Variants in SLC24A3 observed in about 807,000 individuals in gnomAD.
SLC24A3 encodes sodium/potassium/calcium exchanger 3.
In SLC24A3, 28 loss-of-function variants were observed where a neutral mutation model predicts 75.8. That is an observed-to-expected ratio of 0.37 (90% CI 0.27 to 0.51). SLC24A3 has a LOEUF of 0.51. Ranked by LOEUF, SLC24A3 falls within the 20% of genes least tolerant of loss-of-function variation. The pLI is 0.94. For synonymous variants in SLC24A3, 372 were observed against 334.1 expected (o/e 1.11, Z -1.24); for missense variants, 663 against 847.8 (o/e 0.78, Z 2.71).
intron 2 of SLC24A3, among the ~76,000 whole-genome samples, chr20:19,353,513 A>G (rs1188687194): frequency 4.6e-5 from 7 of 152,188 alleles, no homozygotes; most frequent in African/African-American, 1.2e-4. Context: ...TCTTTTTTCA[A>G]TAGACTTATT....
chr20:19,664,494 C>T (rs1370607455), intron 7 of SLC24A3, among the ~76,000 whole-genome samples: 2 of 152,248 alleles, frequency 1.3e-5, no homozygotes, highest in East Asian at 1.9e-4. Flanking sequence ...CCTTCCTCCT[C>T]ATCCTCATTT....
intron 2 of SLC24A3, among the ~76,000 whole-genome samples, chr20:19,328,347 G>A (rs1984918668): frequency 6.6e-6 from 1 of 152,098 alleles, no homozygotes; most frequent in Admixed American, 6.5e-5. Flanking sequence ...CCTGTGACCA[G>A]GCATACATTG....
intron 13 of SLC24A3, chr20:19,694,918 G>A (rs1318147428): frequency 6.6e-6 from 1 of 152,218 alleles, no homozygotes; most frequent in African/African-American, 2.4e-5. Flanking sequence ...TTCCTACAGG[G>A]ACTGAGCTGA....
At chr20:19,554,243 G>A (rs1179032323) in intron 3 of SLC24A3, among the ~76,000 whole-genome samples, 1 of 152,174 alleles carries the variant, frequency 6.6e-6, no homozygotes, top group Non-Finnish European at 1.5e-5. Flanking sequence ...ATTCCATAGT[G>A]AATGATAATA....
intron 2 of SLC24A3, among the ~76,000 whole-genome samples, chr20:19,376,347 A>G (rs746383917): frequency 2.0e-5 from 3 of 152,202 alleles, no homozygotes; most frequent in Admixed American, 6.5e-5. Flanking sequence ...AGTGTTCAAG[A>G]TGGCTTCCTG....
chr20:19,395,052 G>A (rs1279360418), intron 2 of SLC24A3, among the ~76,000 whole-genome samples: 2 of 152,178 alleles, frequency 1.3e-5, no homozygotes, highest in Non-Finnish European at 2.9e-5. Flanking sequence ...GACAATTCTG[G>A]CACAAGTTAC....
At chr20:19,526,478 C>T (rs1170366872) in intron 3 of SLC24A3, among the ~76,000 whole-genome samples, 3 of 152,210 alleles carry the variant, frequency 2.0e-5, no homozygotes, top group Non-Finnish European at 4.4e-5. Context: ...TTCATCTCTT[C>T]TATGTTGGAT....
intron 3 of SLC24A3, among the ~76,000 whole-genome samples, chr20:19,539,787 G>A (rs983489227): frequency 1.3e-5 from 2 of 152,168 alleles, no homozygotes; most frequent in Non-Finnish European, 1.5e-5. Flanking sequence ...TGACACTTAC[G>A]TTTGATGAAA....
chr20:19,701,623 C>T (rs138180433), intron 15 of SLC24A3, among the ~76,000 whole-genome samples: 1 of 152,326 alleles, frequency 6.6e-6, no homozygotes, highest in African/African-American at 2.4e-5. Context: ...TACTCCTCAG[C>T]CCAACTCAGA....
chr20:19,325,877 G>A (rs558081040), intron 2 of SLC24A3, among the ~76,000 whole-genome samples: 1 of 140,146 alleles, frequency 7.1e-6, no homozygotes, highest in Admixed American at 7.3e-5. Context: ...ATCTAAACAT[G>A]AAATTTATTT....
chr20:19,248,317 A>G (rs987540167), intron 1 of SLC24A3, among the ~76,000 whole-genome samples: 1 of 152,210 alleles, frequency 6.6e-6, no homozygotes, highest in African/African-American at 2.4e-5. Flanking sequence ...ACAGAATTGT[A>G]AACATTACCA....
chr20:19,660,643 G>T (rs2032316832), intron 7 of SLC24A3, among the ~76,000 whole-genome samples: 1 of 152,008 alleles, frequency 6.6e-6, no homozygotes, highest in African/African-American at 2.4e-5. Context: ...TTTTCTTCGG[G>T]GTAGATACCC....
chr20:19,226,380 C>T (rs1241585061), intron 1 of SLC24A3, among the ~76,000 whole-genome samples: 1 of 152,098 alleles, frequency 6.6e-6, no homozygotes, highest in Non-Finnish European at 1.5e-5. Flanking sequence ...TAATTTTCTT[C>T]ATTTGGTACT....
chr20:19,716,813 A>G (rs1335012132), intron 15 of SLC24A3, among the ~76,000 whole-genome samples: 18 of 152,042 alleles, frequency 1.2e-4, no homozygotes, highest in Non-Finnish European at 8.8e-5. Flanking sequence ...GGTTGAGGCT[A>G]TAGTGAGCCA....
chr20:19,588,186 G>A (rs2031326332), intron 6 of SLC24A3, among the ~76,000 whole-genome samples: 1 of 152,326 alleles, frequency 6.6e-6, no homozygotes, highest in Middle Eastern at 3.4e-3. Context: ...CCTCAAACAG[G>A]GAGAAGCTCT....
intron 2 of SLC24A3, among the ~76,000 whole-genome samples, chr20:19,461,529 C>CTTTTTTTTTTTTTTTT (rs11468628): frequency 4.9e-5 from 5 of 101,418 alleles, no homozygotes; most frequent in East Asian, 2.8e-4. Context: ...TCTTTTTTTT[C>CTTTTTTTTTTTTTTTT]TTTTTTTTTT....
In SLC24A3 at chr20:19,337,553, T is replaced by A. The variant is rs2122302434; in HGVS notation, c.271+56466T>A. On this transcript the variant is annotated intron_variant, in intron 2 of 16. Transcript: ENST00000328041. ...GTTTTAGTAAATAAGATGATGGACTTGTTATGAGCTCAGAACAAGCTCATA... is the reference window on the plus strand; with the variant it reads ...GTTTTAGTAAATAAGATGATGGACTAGTTATGAGCTCAGAACAAGCTCATA... Among the ~76,000 whole-genome samples the A allele has an allele frequency of 1.3e-5, 2 of 152,306 alleles. 1 individual carries two copies. Among genetic ancestry groups the A allele is most frequent in the East Asian group, 3.9e-4 (2 of 5,188 alleles).
rs116789158 is a variant in SLC24A3, at chr20:19,545,873, C to T, written c.348+30309C>T. ...TATAATAACCCATAAAACAGGTCAT[C>T]GACCGGCCAGGCATGGTGGCTCACA... is the stretch of plus-strand genomic sequence containing the variant. On this transcript the variant is annotated intron_variant, in intron 3 of 16. Coordinates refer to ENST00000328041, the MANE Select transcript of SLC24A3 (RefSeq NM_020689.4). Among the ~76,000 whole-genome samples the T allele has an allele frequency of 6.7e-3, 1,019 of 152,110 alleles. 16 individuals are homozygous for T. The highest frequency in any genetic ancestry group is 0.023 in the African/African-American group (954 of 41,502).
chr20:19,325,761 CATACATATATATATACAT>C lies in SLC24A3; in HGVS notation c.271+44678_271+44695del, dbSNP rs1568589792. Among the ~76,000 whole-genome samples the C allele has an allele frequency of 9.9e-4, 44 of 44,444 alleles. 1 individual carries two copies. Among genetic ancestry groups the C allele is most frequent in the African/African-American group, 4.9e-3 (43 of 8,814 alleles). The allele number at this position is 44,444 out of a possible 152,430, so 29.2% of individuals were successfully genotyped here. A position where few individuals can be genotyped will look rare whatever the true frequency, so the allele number is the denominator to read the frequency against. Reference sequence around the variant, plus strand: ...GTGTGTGTGTGTGTGTGTATACATACATACATATATATATACATATATATATATATATATAGAGAGAGA... The same window carrying C: ...GTGTGTGTGTGTGTGTGTATACATACATATATATATATATATAGAGAGAGA... On this transcript the variant is annotated intron_variant, in intron 2 of 16. Transcript: ENST00000328041.
Sources: allele counts gnomAD v4.1 joint callset (sites outside exome capture counted in the v4.1 genomes callset), GRCh38; gene constraint gnomAD v4.1.1; transcripts MANE v1.5; gene names NCBI Gene and HGNC (gene_info 2026-07-23, HGNC 2026-07-21).